Variants in CTNNA1 observed in about 807,000 individuals in gnomAD.
CTNNA1 encodes the protein catenin alpha 1.
Under a neutral mutation model 98.4 loss-of-function variants are expected in CTNNA1, and 37 were observed. The ratio of observed to expected loss-of-function variants is 0.38; its 90% CI spans 0.29 to 0.49. The LOEUF (loss-of-function observed/expected upper bound fraction) is 0.49, where lower values mean the gene tolerates loss of function less well. CTNNA1 is among the 20% of genes least tolerant of loss of function. CTNNA1 has a pLI of 0.95. For synonymous variants in CTNNA1, 404 were observed against 413.2 expected, an observed-to-expected ratio of 0.98 and a Z score of 0.27; for missense variants, 761 against 1,147.2, an observed-to-expected ratio of 0.66 and a Z score of 4.86.
chr5:138,767,130 G>A (rs775699021), intron 1 of CTNNA1, among the ~76,000 whole-genome samples: 2 of 151,948 alleles, frequency 1.3e-5, no homozygotes, highest in East Asian at 1.9e-4. Context: ...TCCTCCTCCC[G>A]GGTTCACGCC....
At chr5:138,779,610 CT>C in intron 1 of CTNNA1, among the ~76,000 whole-genome samples, 1 of 152,030 alleles carries the variant, frequency 6.6e-6, no homozygotes, top group East Asian at 1.9e-4. Context: ...TTAAGTGATC[CT>C]CCTGCCTTGG....
intron 7 of CTNNA1, among the ~76,000 whole-genome samples, chr5:138,859,284 G>A (rs151178693): frequency 6.6e-5 from 10 of 151,604 alleles, no homozygotes; most frequent in African/African-American, 1.5e-4. Flanking sequence ...TTTTTTTTCC[G>A]TGACTGCCAT....
intron 7 of CTNNA1, among the ~76,000 whole-genome samples, chr5:138,831,554 G>A (rs1019626590): frequency 6.6e-6 from 1 of 152,098 alleles, no homozygotes; most frequent in African/African-American, 2.4e-5. Context: ...TTATGTTCTG[G>A]AAATTCCCTT....
intron 1 of CTNNA1, among the ~76,000 whole-genome samples, chr5:138,765,330 C>CG (rs1752811944): frequency 1.3e-5 from 2 of 151,886 alleles, no homozygotes; most frequent in Non-Finnish European, 1.5e-5. Flanking sequence ...CGTGAGCCAC[C>CG]GCGCCCGGCC....
chr5:138,767,118 G>C (rs1753021023), intron 1 of CTNNA1, among the ~76,000 whole-genome samples: 1 of 151,980 alleles, frequency 6.6e-6, no homozygotes, highest in Non-Finnish European at 1.5e-5. Flanking sequence ...CTCACTGCAA[G>C]CTCCTCCTCC....
intron 10 of CTNNA1, among the ~76,000 whole-genome samples, chr5:138,905,394 G>A (rs1343661534): frequency 1.3e-5 from 2 of 152,190 alleles, no homozygotes; most frequent in Non-Finnish European, 2.9e-5. Flanking sequence ...AGGGCCATTT[G>A]TGACATCTGG....
chr5:138,784,755 T>TTCC (rs1054450088), intron 3 of CTNNA1, among the ~76,000 whole-genome samples: 5 of 152,204 alleles, frequency 3.3e-5, no homozygotes, highest in African/African-American at 9.6e-5. Context: ...GGATGCCTCT[T>TTCC]TCCTAGCTTC....
chr5:138,842,844 A>G (rs888788408), intron 7 of CTNNA1, among the ~76,000 whole-genome samples: 10 of 152,214 alleles, frequency 6.6e-5, no homozygotes, highest in African/African-American at 2.2e-4. Flanking sequence ...AAAACACCTG[A>G]CACCATTGGC....
chr5:138,933,855 G>C lies in CTNNA1; in HGVS notation c.2487G>C (p.Val829=), dbSNP rs751907985. Reference sequence around the variant, plus strand: ...CAGCCAAGAACTTGATGAATGCTGTGGTGCAGACAGTGAAGGCATCCTACG... The same window carrying C: ...CAGCCAAGAACTTGATGAATGCTGTCGTGCAGACAGTGAAGGCATCCTACG... ...IQAAKNLMNA[V]VQTVKASYVA... The change falls in exon 18 of 18, where the codon GTG becomes GTC. Residue 829 remains valine, a synonymous_variant. Transcript: ENST00000302763. 2 of 1,614,100 alleles carry C rather than the reference G, an allele frequency of 1.2e-6. No individual in the cohort carries two copies. Among genetic ancestry groups the C allele is most frequent in the South Asian group, 2.2e-5 (2 of 91,062 alleles).
At chr5:138,893,158 A>G (rs542787726) in intron 9 of CTNNA1, among the ~76,000 whole-genome samples, 2 of 152,314 alleles carry the variant, frequency 1.3e-5, no homozygotes, top group South Asian at 4.2e-4. Flanking sequence ...ACTCAAGGCC[A>G]GCCCTCACGG....
In CTNNA1 at chr5:138,893,042, T is replaced by A. The variant is rs541285468; in HGVS notation, c.1296+5400T>A. Among the ~76,000 whole-genome samples, 33 of 152,168 alleles carry A rather than the reference T, an allele frequency of 2.2e-4. No homozygotes were observed. The South Asian group carries it at 6.6e-3, about 31-fold the overall frequency. On this transcript the variant is annotated intron_variant, in intron 9 of 17. Coordinates refer to ENST00000302763, the MANE Select transcript of CTNNA1 (RefSeq NM_001903.5). ...AAATAAATAAATAAATAAATAAAAA[T>A]AAATTAAAAATTCTTCAGTGGCTCT...
intron 10 of CTNNA1, 32 bp downstream of exon 10, chr5:138,904,473 A>C: frequency 6.3e-7 from 1 of 1,586,626 alleles, no homozygotes; most frequent in Non-Finnish European, 8.5e-7. Context: ...TGACAGCATA[A>C]CCAAATTAAA....
intron 7 of CTNNA1, among the ~76,000 whole-genome samples, chr5:138,832,081 T>C (rs1761328458): frequency 6.6e-6 from 1 of 152,180 alleles, no homozygotes; most frequent in Non-Finnish European, 1.5e-5. Context: ...GAATAAGCAA[T>C]TAAGTGAAAG....
chr5:138,887,982 G>T (rs977631213), intron 9 of CTNNA1, among the ~76,000 whole-genome samples: 2 of 152,282 alleles, frequency 1.3e-5, no homozygotes, highest in Admixed American at 6.5e-5. Context: ...CACTGCCTGC[G>T]CTTGCATCCT....
At chr5:138,812,323 T>C in intron 5 of CTNNA1, 21 bp downstream of exon 5, 2 of 1,598,016 alleles carry the variant, frequency 1.3e-6, no homozygotes, top group Non-Finnish European at 1.7e-6. Flanking sequence ...GATTTGGGGA[T>C]ATATTAAAGT....
At chr5:138,779,013 C>T (rs1204215081) in intron 1 of CTNNA1, among the ~76,000 whole-genome samples, 3 of 151,962 alleles carry the variant, frequency 2.0e-5, no homozygotes, top group Admixed American at 6.6e-5. Context: ...TGAGTAGCTG[C>T]GATCACAAGC....
chr5:138,933,067 G>C, intron 17 of CTNNA1: 1 of 709,400 alleles, frequency 1.4e-6, no homozygotes, highest in South Asian at 1.5e-5. Flanking sequence ...CTGGGAGATG[G>C]AGGTTGCAGT....
Position 138,873,757 on chromosome 5 carries a change from G to A in CTNNA1, c.1063-12455G>A, listed in dbSNP as rs745786028. On this transcript the variant is annotated intron_variant, in intron 7 of 17. Coordinates refer to ENST00000302763, the MANE Select transcript of CTNNA1 (RefSeq NM_001903.5). The surrounding 1 kb of genome is among the most constrained non-coding windows in gnomAD (Gnocchi z 6.1). Reference sequence around the variant, plus strand: ...GCATCGTTTCAAACACTGTCAAGTCGATGGCTTTGATTTCATTTCCAGTCA... The same window carrying A: ...GCATCGTTTCAAACACTGTCAAGTCAATGGCTTTGATTTCATTTCCAGTCA... 1.2e-6 allele frequency: 2 copies of A among 1,614,000 alleles called. No individual in the cohort carries two copies. Among genetic ancestry groups the A allele is most frequent in the Non-Finnish European group, 8.5e-7 (1 of 1,179,890 alleles).
chr5:138,841,537 G>A (rs1762272451), intron 7 of CTNNA1, among the ~76,000 whole-genome samples: 1 of 152,184 alleles, frequency 6.6e-6, no homozygotes. Flanking sequence ...TGGTATTACA[G>A]ACATGAGCCA....
Sources: gnomAD v4.1 joint callset for allele counts (sites outside exome capture counted in the v4.1 genomes callset) on GRCh38, gnomAD v4.1.1 for gene constraint, Gnocchi (gnomAD v3.1) non-coding constraint, MANE v1.5 for transcripts, NCBI Gene and HGNC (gene_info 2026-07-23, HGNC 2026-07-21) for gene names.